The following FERMT1 variants were observed in gnomAD, a reference collection of about 807,000 sequenced individuals.
The protein encoded by FERMT1 is FERM domain containing kindlin 1, also known as fermitin family homolog 1.
In FERMT1, 60 loss-of-function variants were observed where a neutral mutation model predicts 85.3. The ratio of observed to expected loss-of-function variants is 0.70; its 90% CI spans 0.57 to 0.87. The LOEUF (loss-of-function observed/expected upper bound fraction) is 0.87. FERMT1 is among the 40% of genes least tolerant of loss of function. FERMT1 has a pLI of 0.00. For missense variants in FERMT1, 701 were observed against 818.9 expected, an observed-to-expected ratio of 0.86 and a Z score of 1.76; for synonymous variants, 275 against 301.1, an observed-to-expected ratio of 0.91 and a Z score of 0.90.
rs748927308 is a variant in FERMT1, at chr20:6,076,418, C to A, written c.*755G>T. On this transcript the variant is annotated 3_prime_UTR_variant, in exon 15 of 15. Coordinates refer to ENST00000217289, the MANE Select transcript of FERMT1 (RefSeq NM_017671.5). ...TGGGTTTTCCTGTCCCCCTGTGTCACCCACATCTTCACAAAGGACTTACAG... is the reference window on the plus strand; with the variant it reads ...TGGGTTTTCCTGTCCCCCTGTGTCAACCACATCTTCACAAAGGACTTACAG... 9.7e-6 allele frequency: 5 copies of A among 517,340 alleles called. No homozygotes were observed. The highest frequency in any genetic ancestry group is 1.9e-5 in the Non-Finnish European group (5 of 259,402). The allele number at this position is 517,340 out of a possible 1,614,324, so 32.0% of individuals were successfully genotyped here.
At chr20:6,090,272 A>G (rs1310568867) in intron 9 of FERMT1, among the ~76,000 whole-genome samples, 2 of 151,954 alleles carry the variant, frequency 1.3e-5, no homozygotes, top group Admixed American at 1.3e-4. Flanking sequence ...ATGGGGTTTC[A>G]CTATGTTGGC....
In FERMT1 at chr20:6,110,173, C is replaced by T. The variant is rs1210287405; in HGVS notation, c.746+125G>A. The T allele has an allele frequency of 5.0e-6, 4 of 807,388 alleles. No homozygotes were observed. The Admixed American group carries it at 6.1e-5, about 12-fold the overall frequency. The allele number at this position is 807,388 out of a possible 1,614,324, so 50.0% of individuals were successfully genotyped here. ...AATTTTTCCCCTTTGTTGCTAAAAT[C>T]AGCACTAACTTTTGCAAATAAAGCA... On this transcript the variant is annotated intron_variant, in intron 5 of 14. Transcript: ENST00000217289.
Position 6,097,008 on chromosome 20 carries a change from GACA to G in FERMT1, c.980_982del (p.Leu327del), listed in dbSNP as rs1379153342. The stretch of plus-strand genomic sequence containing the variant: ...GCCTGCAAAATCCTGTGTTTCAGCA[GACA>G]ACGACAGTTTGCTAATGTGGTACTA... On this transcript the variant is annotated inframe_deletion, in exon 8 of 15. Coordinates refer to ENST00000217289, the MANE Select transcript of FERMT1 (RefSeq NM_017671.5). 6.2e-7 allele frequency: 1 copy of G among 1,613,768 alleles called. No individual in the cohort carries two copies. The highest frequency in any genetic ancestry group is 8.5e-7 in the Non-Finnish European group (1 of 1,179,884).
intron 6 of FERMT1, among the ~76,000 whole-genome samples, chr20:6,105,892 A>G (rs751626493): frequency 6.6e-6 from 1 of 152,222 alleles, no homozygotes; most frequent in Non-Finnish European, 1.5e-5. Flanking sequence ...TGTGTTATCT[A>G]TTTTCAGAAA....
In FERMT1 at chr20:6,105,797, A is replaced by C. The variant is rs575722936; in HGVS notation, c.849+1735T>G. Among the ~76,000 whole-genome samples, 333 of 152,316 alleles carry C rather than the reference A, an allele frequency of 2.2e-3. 2 individuals are homozygous for C. The highest frequency in any genetic ancestry group is 7.7e-3 in the African/African-American group (322 of 41,580). On this transcript the variant is annotated intron_variant, in intron 6 of 14. Coordinates refer to ENST00000217289, the MANE Select transcript of FERMT1 (RefSeq NM_017671.5). ...CAATAAATAAACACACAAACAAACA[A>C]CAGATGGGGCACAGATTTGAATAGA... is the stretch of plus-strand genomic sequence containing the variant.
intron 13 of FERMT1, among the ~76,000 whole-genome samples, chr20:6,083,683 C>A: frequency 1.4e-5 from 2 of 137,974 alleles, no homozygotes; most frequent in Non-Finnish European, 1.5e-5. Context: ...CCTCCCCACA[C>A]CCGATCTCTT....
At chr20:6,097,070 CAG>C in intron 7 of FERMT1, 37 bp from the exon 8 acceptor site, 1 of 1,598,048 alleles carries the variant, frequency 6.3e-7, no homozygotes, top group African/African-American at 1.3e-5. Context: ...ATGTTATAAA[CAG>C]AAATGTTATA....
chr20:6,082,256 CG>C (rs909508252), intron 13 of FERMT1, among the ~76,000 whole-genome samples: 5 of 152,314 alleles, frequency 3.3e-5, no homozygotes, highest in Middle Eastern at 3.4e-3. Context: ...CGCTTCACCA[CG>C]TATCAGGCAC....
At chr20:6,114,474 T>G (rs1332578931) in intron 3 of FERMT1, among the ~76,000 whole-genome samples, 1 of 152,198 alleles carries the variant, frequency 6.6e-6, no homozygotes, top group Non-Finnish European at 1.5e-5. Context: ...ACTTTACATT[T>G]TTGGTATCAG....
At chr20:6,082,407 C>T (rs1047485711) in intron 13 of FERMT1, among the ~76,000 whole-genome samples, 1 of 152,178 alleles carries the variant, frequency 6.6e-6, no homozygotes, top group African/African-American at 2.4e-5. Flanking sequence ...AGACTGAAAG[C>T]TGGGCCTGGT....
At chr20:6,105,982 T>C (rs562315460) in intron 6 of FERMT1, among the ~76,000 whole-genome samples, 377 of 152,264 alleles carry the variant, frequency 2.5e-3, no homozygotes, top group African/African-American at 8.7e-3. Context: ...AATGCTAAAG[T>C]TGAGTCATGA....
chr20:6,084,302 T>A, intron 12 of FERMT1, 138 bp from the exon 13 acceptor site: 1 of 942,976 alleles, frequency 1.1e-6, no homozygotes, highest in Non-Finnish European at 1.6e-6. Context: ...TTCTCATCCA[T>A]TCATTCTCTC....
At chr20:6,100,767 A>G (rs553996134) in intron 6 of FERMT1, among the ~76,000 whole-genome samples, 1 of 152,332 alleles carries the variant, frequency 6.6e-6, no homozygotes, top group South Asian at 2.1e-4. Context: ...TGGCTTGACA[A>G]CCTAAAATTA....
At chr20:6,102,697 AAAAAG>A (rs56906986) in intron 6 of FERMT1, among the ~76,000 whole-genome samples, 42,879 of 123,294 alleles carry the variant, frequency 0.35, 6,799 homozygotes, top group East Asian at 0.63. Flanking sequence ...AAAAAAAAAA[AAAAAG>A]AAAAGAAAAT....
At chr20:6,099,985 GA>G (rs534444380) in intron 6 of FERMT1, among the ~76,000 whole-genome samples, 49 of 137,870 alleles carry the variant, frequency 3.6e-4, no homozygotes, top group South Asian at 4.6e-4. Context: ...GACTATCTCA[GA>G]AAAAAAAAAA....
chr20:6,100,663 A>C (rs907508424), intron 6 of FERMT1, among the ~76,000 whole-genome samples: 1 of 152,256 alleles, frequency 6.6e-6, no homozygotes, highest in African/African-American at 2.4e-5. Flanking sequence ...GACTATTATT[A>C]GATGGACACA....
intron 7 of FERMT1, 54 bp downstream of exon 7, chr20:6,097,470 C>T: frequency 7.9e-7 from 1 of 1,259,578 alleles, no homozygotes; most frequent in Non-Finnish European, 1.2e-6. Context: ...AAACTTCAAG[C>T]AGAACAAACT....
At chr20:6,112,741 G>T in intron 3 of FERMT1, 118 bp from the exon 4 acceptor site, 1 of 680,436 alleles carries the variant, frequency 1.5e-6, no homozygotes, top group Non-Finnish European at 2.4e-6. Context: ...AAGTAAATGG[G>T]ACTAAACTGC....
At position 6,076,278 on chromosome 20, in the gene FERMT1, C is replaced by T. The variant is rs1396983469; in HGVS notation, c.*895G>A. ...CTCCCTGACCAGTTGGGATAGACAC[C>T]TGACTGGAATCCTTGACACTGGCAG... On this transcript the variant is annotated 3_prime_UTR_variant, in exon 15 of 15. Transcript: ENST00000217289. 1 of 371,308 alleles carries T rather than the reference C, an allele frequency of 2.7e-6. No homozygotes were observed. Among genetic ancestry groups the T allele is most frequent in the Non-Finnish European group, 5.4e-6 (1 of 185,738 alleles). 23.0% of individuals were successfully genotyped at this position (371,308 alleles called of 1,614,324 possible).
Sources: allele counts gnomAD v4.1 joint callset (sites outside exome capture counted in the v4.1 genomes callset), GRCh38; gene constraint gnomAD v4.1.1; transcripts MANE v1.5; gene names NCBI Gene and HGNC (gene_info 2026-07-23, HGNC 2026-07-21).